The following TAFA4 variants were observed in gnomAD, a reference collection of about 807,000 sequenced individuals.
TAFA4 encodes the protein TAFA chemokine like family member 4.
In TAFA4, 20 loss-of-function variants were observed where a neutral mutation model predicts 21.1. That is an observed-to-expected ratio of 0.95 (90% confidence interval 0.67 to 1.38). The LOEUF (loss-of-function observed/expected upper bound fraction) is 1.38, where lower values mean the gene tolerates loss of function less well. Among genes scored for constraint, TAFA4 ranks in the 40% most tolerant of loss-of-function variants. The pLI, the probability that TAFA4 is intolerant of heterozygous loss-of-function variation, is 0.00. For synonymous variants in TAFA4, 71 were observed against 67.4 expected (o/e 1.05, Z -0.26); for missense variants, 211 against 180.9 (o/e 1.17, Z -0.95).
intron 1 of TAFA4, among the ~76,000 whole-genome samples, chr3:68,924,221 A>T (rs1207886569): frequency 3.3e-5 from 5 of 152,226 alleles, no homozygotes; most frequent in Non-Finnish European, 1.5e-5. Flanking sequence ...AATAGCCAAA[A>T]GGTGGAAAAA....
chr3:68,847,010 G>A (rs1463841369), intron 3 of TAFA4, among the ~76,000 whole-genome samples: 1 of 152,188 alleles, frequency 6.6e-6, no homozygotes, highest in East Asian at 1.9e-4. Context: ...ACCCAGTTGA[G>A]GAGGCAGTCT....
intron 3 of TAFA4, among the ~76,000 whole-genome samples, chr3:68,799,753 C>CGTGGCTCCCCTAGAGCAG: frequency 6.6e-6 from 1 of 151,906 alleles, no homozygotes; most frequent in East Asian, 1.9e-4. Context: ...GCAAAGAGAT[C>CGTGGCTCCCCTAGAGCAG]GTGTCTCCAA....
intron 3 of TAFA4, among the ~76,000 whole-genome samples, chr3:68,877,146 G>A (rs2089558811): frequency 6.6e-6 from 1 of 151,974 alleles, no homozygotes; most frequent in Non-Finnish European, 1.5e-5. Context: ...ATCACTTGAG[G>A]TCAGGAGTTC....
intron 3 of TAFA4, among the ~76,000 whole-genome samples, chr3:68,842,314 T>C (rs1704683505): frequency 6.6e-6 from 1 of 152,254 alleles, no homozygotes; most frequent in Non-Finnish European, 1.5e-5. Flanking sequence ...TGAGCTTTTT[T>C]TCATATGTTT....
intron 3 of TAFA4, among the ~76,000 whole-genome samples, chr3:68,815,841 T>C (rs930659563): frequency 6.6e-6 from 1 of 152,204 alleles, no homozygotes; most frequent in African/African-American, 2.4e-5. Flanking sequence ...TATAAAATCA[T>C]GCTGCTATAA....
At chr3:68,806,668 T>G (rs1703706584) in intron 3 of TAFA4, among the ~76,000 whole-genome samples, 1 of 152,112 alleles carries the variant, frequency 6.6e-6, no homozygotes, top group African/African-American at 2.4e-5. Context: ...AGGTAGGACT[T>G]CTGGGAGGTA....
At chr3:68,910,570 G>T (rs1016617917) in intron 1 of TAFA4, among the ~76,000 whole-genome samples, 1 of 152,176 alleles carries the variant, frequency 6.6e-6, no homozygotes, top group African/African-American at 2.4e-5. Context: ...GAATTCTCAA[G>T]CCATCATCCA....
At chr3:68,740,733 C>T (rs1224485956) in intron 4 of TAFA4, among the ~76,000 whole-genome samples, 1 of 152,142 alleles carries the variant, frequency 6.6e-6, no homozygotes, top group East Asian at 1.9e-4. Flanking sequence ...AGATCAATAT[C>T]AAGGACCTTT....
At chr3:68,749,617 TC>T (rs1702524378) in intron 4 of TAFA4, among the ~76,000 whole-genome samples, 1 of 152,184 alleles carries the variant, frequency 6.6e-6, no homozygotes, top group Admixed American at 6.5e-5. Context: ...AGCTTAAACT[TC>T]CTACACTTCT....
intron 3 of TAFA4, among the ~76,000 whole-genome samples, chr3:68,788,079 C>T (rs1327840796): frequency 6.6e-6 from 1 of 152,188 alleles, no homozygotes; most frequent in Non-Finnish European, 1.5e-5. Flanking sequence ...TCCATTATAG[C>T]CCCAGAAGAG....
chr3:68,922,797 C>T (rs977507071), intron 1 of TAFA4, among the ~76,000 whole-genome samples: 7 of 152,182 alleles, frequency 4.6e-5, no homozygotes, highest in African/African-American at 7.2e-5. Flanking sequence ...ATTAATACTT[C>T]ATAGGATGAT....
intron 3 of TAFA4, among the ~76,000 whole-genome samples, chr3:68,758,777 A>T (rs1457063147): frequency 1.3e-5 from 2 of 152,254 alleles, no homozygotes; most frequent in Non-Finnish European, 2.9e-5. Flanking sequence ...ATAAGGATCC[A>T]GTGTGAATGG....
chr3:68,836,502 T>C (rs187411900), intron 3 of TAFA4, among the ~76,000 whole-genome samples: 28 of 152,352 alleles, frequency 1.8e-4, no homozygotes, highest in African/African-American at 6.7e-4. Context: ...TCATTGGTTA[T>C]ATTACTTTAC....
At chr3:68,907,730 G>A (rs950900259) in intron 1 of TAFA4, among the ~76,000 whole-genome samples, 3 of 152,300 alleles carry the variant, frequency 2.0e-5, no homozygotes, top group African/African-American at 7.2e-5. Context: ...ATGAATTAAA[G>A]CCCAGGCTAC....
chr3:68,865,702 A>C (rs921129442), intron 3 of TAFA4, among the ~76,000 whole-genome samples: 1 of 152,106 alleles, frequency 6.6e-6, no homozygotes, highest in Non-Finnish European at 1.5e-5. Context: ...GGCTATACAT[A>C]GACATAATCA....
intron 3 of TAFA4, among the ~76,000 whole-genome samples, chr3:68,791,573 T>C (rs966790004): frequency 5.9e-5 from 9 of 152,206 alleles, no homozygotes; most frequent in Admixed American, 5.9e-4. Flanking sequence ...AGGAAGCTAA[T>C]GCAGCAGAGG....
chr3:68,820,182 C>T (rs190577054), intron 3 of TAFA4, among the ~76,000 whole-genome samples: 120 of 152,150 alleles, frequency 7.9e-4, no homozygotes, highest in Non-Finnish European at 4.6e-4. Flanking sequence ...GTAAGTCAGG[C>T]GCAAAAAGAC....
chr3:68,733,579 A>C (rs1159717835), intron 5 of TAFA4, among the ~76,000 whole-genome samples: 3 of 152,148 alleles, frequency 2.0e-5, no homozygotes, highest in Non-Finnish European at 4.4e-5. Flanking sequence ...TCACTTTTGA[A>C]AATAGGTTAT....
intron 3 of TAFA4, among the ~76,000 whole-genome samples, chr3:68,828,681 C>G (rs998992215): frequency 6.6e-6 from 1 of 152,076 alleles, no homozygotes; most frequent in African/African-American, 2.4e-5. Context: ...CTCTCTTTGT[C>G]TATTATTGGT....
Sources: gnomAD v4.1 joint callset for allele counts (sites outside exome capture counted in the v4.1 genomes callset) on GRCh38, gnomAD v4.1.1 for gene constraint, MANE v1.5 for transcripts, NCBI Gene and HGNC (gene_info 2026-07-23, HGNC 2026-07-21) for gene names.